Variants in MCF2L2 observed in about 807,000 individuals in gnomAD.
MCF2L2 encodes the protein MCF.2 cell line derived transforming sequence-like 2, also known as probable guanine nucleotide exchange factor MCF2L2.
Under a neutral mutation model 150.2 loss-of-function variants are expected in MCF2L2, and 102 were observed. The observed-to-expected ratio is 0.68, with a 90% CI of 0.58 to 0.80. The LOEUF (loss-of-function observed/expected upper bound fraction) is 0.80, where lower values mean the gene tolerates loss of function less well. Ranked by LOEUF, MCF2L2 falls within the 30% of genes least tolerant of loss-of-function variation. The pLI, the probability that MCF2L2 is intolerant of heterozygous loss-of-function variation, is 0.00. For missense variants in MCF2L2, 1,256 were observed against 1,372.8 expected (o/e 0.91, Z 1.34); for synonymous variants, 465 against 491.3 (o/e 0.95, Z 0.71).
intron 15 of MCF2L2, chr3:183,272,950 TA>T: frequency 7.0e-7 from 1 of 1,435,228 alleles, no homozygotes; most frequent in Middle Eastern, 2.5e-4. Context: ...TTGCTTAGAA[TA>T]GAATGGAACA....
At chr3:183,252,703 T>C (rs186155187) in intron 15 of MCF2L2, among the ~76,000 whole-genome samples, 17 of 152,358 alleles carry the variant, frequency 1.1e-4, no homozygotes, top group African/African-American at 4.1e-4. Flanking sequence ...ACTCATTACC[T>C]GTCTTGTTCC....
chr3:183,342,057 A>G (rs544497239), intron 3 of MCF2L2, among the ~76,000 whole-genome samples: 1 of 152,316 alleles, frequency 6.6e-6, no homozygotes, highest in South Asian at 2.1e-4. Flanking sequence ...AGAGGGAGTA[A>G]TGAGAGAGGT....
At position 183,229,696 on chromosome 3, in the gene MCF2L2, T is replaced by C. The variant is rs773508129; in HGVS notation, c.2015A>G (p.Asn672Ser). The C allele has an allele frequency of 6.3e-7, 1 of 1,587,000 alleles. No individual in the cohort carries two copies. The highest frequency in any genetic ancestry group is 8.6e-7 in the Non-Finnish European group (1 of 1,158,288). Residue 672 changes from asparagine (N) to serine (S), a missense_variant, in exon 17 of 30, where the codon AAT becomes AGT. By Grantham distance (46) the Asn-to-Ser change is conservative. Coordinates refer to ENST00000328913, the MANE Select transcript of MCF2L2 (RefSeq NM_015078.4). Reference sequence around the variant, plus strand: ...GTGAAATTCGTAAAGTTCTCTAATATTCCCAAAGAGAAAGTCCTTGTTATT... The same window carrying C: ...GTGAAATTCGTAAAGTTCTCTAATACTCCCAAAGAGAAAGTCCTTGTTATT... ...LQNNKDFLFG[N>S]IRELYEFHNR...
chr3:183,276,581 C>A, intron 15 of MCF2L2: 1 of 331,226 alleles, frequency 3.0e-6, no homozygotes, highest in Non-Finnish European at 5.4e-6. Context: ...ACCAATAATT[C>A]AGTCAATATC....
intron 6 of MCF2L2, among the ~76,000 whole-genome samples, chr3:183,322,332 T>G (rs1382215782): frequency 6.6e-6 from 1 of 152,204 alleles, no homozygotes; most frequent in Non-Finnish European, 1.5e-5. Context: ...AGTCCGGGGT[T>G]TCTCAGCATT....
intron 3 of MCF2L2, among the ~76,000 whole-genome samples, chr3:183,351,138 A>T (rs764254506): frequency 4.1e-5 from 6 of 144,848 alleles, no homozygotes; most frequent in Non-Finnish European, 9.1e-5. Context: ...ATATGTTCTG[A>T]TCCCAAAATA....
intron 1 of MCF2L2, among the ~76,000 whole-genome samples, chr3:183,405,957 T>C (rs933813189): frequency 1.6e-4 from 25 of 152,120 alleles, no homozygotes; most frequent in African/African-American, 6.0e-4. Flanking sequence ...TTAAGTGATC[T>C]GCCTGCCTCA....
intron 3 of MCF2L2, among the ~76,000 whole-genome samples, chr3:183,360,596 G>T (rs1712075668): frequency 6.6e-6 from 1 of 151,728 alleles, no homozygotes; most frequent in African/African-American, 2.4e-5. Context: ...TTGAGAGAAT[G>T]TCTCCTCATC....
intron 7 of MCF2L2, among the ~76,000 whole-genome samples, chr3:183,313,877 G>C (rs1185854056): frequency 6.6e-6 from 1 of 152,234 alleles, no homozygotes; most frequent in African/African-American, 2.4e-5. Flanking sequence ...CTCAGAAAAT[G>C]GGAGCCCCAC....
chr3:183,341,623 C>T lies in MCF2L2; in HGVS notation c.283G>A (p.Ala95Thr). Residue 95 changes from alanine (A) to threonine (T), a missense_variant, in exon 4 of 30, where the codon GCT (alanine) becomes ACT (threonine). Ala to Thr is a moderately conservative substitution (Grantham distance 58). Transcript: ENST00000328913. ...TYLTSIPSVEAASIGFIVVID... is the reference protein window; with the variant it reads ...TYLTSIPSVETASIGFIVVID... Reference sequence around the variant, plus strand: ...ACAACAATGAATCCAATGCTGGCAGCCTCCACACTGCAAAGAAGGGTGGTC... The same window carrying T: ...ACAACAATGAATCCAATGCTGGCAGTCTCCACACTGCAAAGAAGGGTGGTC... The T allele has an allele frequency of 6.2e-7, 1 of 1,613,488 alleles. No homozygotes were observed. The highest frequency in any genetic ancestry group is 8.5e-7 in the Non-Finnish European group (1 of 1,179,390).
At chr3:183,324,695 T>C (rs1039238369) in intron 5 of MCF2L2, among the ~76,000 whole-genome samples, 5 of 151,860 alleles carry the variant, frequency 3.3e-5, no homozygotes, top group Non-Finnish European at 7.4e-5. Context: ...ATCGCATCAC[T>C]GCACTCCAGA....
intron 15 of MCF2L2, among the ~76,000 whole-genome samples, chr3:183,250,202 T>C (rs1724452147): frequency 6.6e-6 from 1 of 152,234 alleles, no homozygotes; most frequent in Non-Finnish European, 1.5e-5. Context: ...CCCATATTTA[T>C]ACATCCCATT....
intron 15 of MCF2L2, chr3:183,253,193 A>AG (rs80163073): frequency 1 from 150,029 of 150,034 alleles, 75,012 homozygotes; most frequent in Middle Eastern, 1. Flanking sequence ...TGACGCCGAG[A>AG]GTGCGGGGCG....
intron 27 of MCF2L2, among the ~76,000 whole-genome samples, chr3:183,187,407 T>C (rs2108631255): frequency 6.6e-6 from 1 of 152,342 alleles, no homozygotes; most frequent in Admixed American, 6.5e-5. Flanking sequence ...GAATTAAAAA[T>C]TTTCAGCACC....
intron 5 of MCF2L2, among the ~76,000 whole-genome samples, chr3:183,337,886 C>T (rs1189270748): frequency 6.6e-6 from 1 of 152,160 alleles, no homozygotes; most frequent in Non-Finnish European, 1.5e-5. Context: ...AAATCCATTC[C>T]TACCAGTGAA....
chr3:183,265,699 T>C (rs1726042854), intron 15 of MCF2L2: 1 of 152,252 alleles, frequency 6.6e-6, no homozygotes, highest in Non-Finnish European at 1.5e-5. Flanking sequence ...GTTATACAAG[T>C]GAAGCTGTGT....
chr3:183,294,615 G>GTATA (rs546545081), intron 13 of MCF2L2, among the ~76,000 whole-genome samples: 16 of 126,382 alleles, frequency 1.3e-4, no homozygotes, highest in Non-Finnish European at 2.4e-4. Flanking sequence ...GTGTGTGTGT[G>GTATA]TATATATATA....
chr3:183,360,956 CAGAAAAGAAAAGAAAAG>C (rs1365558214), intron 3 of MCF2L2, among the ~76,000 whole-genome samples: 4 of 88,452 alleles, frequency 4.5e-5, no homozygotes, highest in Admixed American at 1.5e-4. Context: ...GAGTGAAACT[CAGAAAAGAAAAGAAAAG>C]AAAAGAAAAG....
intron 7 of MCF2L2, among the ~76,000 whole-genome samples, chr3:183,313,232 A>AACACACACACACACACACACACACACAC (rs111694523): frequency 2.1e-4 from 31 of 149,302 alleles, no homozygotes; most frequent in African/African-American, 7.7e-4. Flanking sequence ...AGCTTCCAGC[A>AACACACACACACACACACACACACACAC]ACACACACAC....
Sources: allele counts gnomAD v4.1 joint callset (sites outside exome capture counted in the v4.1 genomes callset), GRCh38; gene constraint gnomAD v4.1.1; transcripts MANE v1.5; gene names NCBI Gene and HGNC (gene_info 2026-07-23, HGNC 2026-07-21).